Variants in CCDC18 observed in about 807,000 individuals in gnomAD.
CCDC18 encodes the protein coiled-coil domain-containing protein 18.
A neutral mutation model predicts 196.0 loss-of-function variants in CCDC18; 157 were observed. The ratio of observed to expected loss-of-function variants is 0.80; its 90% CI spans 0.70 to 0.91. The LOEUF (loss-of-function observed/expected upper bound fraction) is 0.91. Among genes scored for constraint, CCDC18 ranks in the 40% least tolerant of loss-of-function variants. The pLI, the probability that CCDC18 is intolerant of heterozygous loss-of-function variation, is 0.00. For synonymous variants in CCDC18, 482 were observed against 529.2 expected, an observed-to-expected ratio of 0.91 and a Z score of 1.22; for missense variants, 1,465 against 1,611.6, an observed-to-expected ratio of 0.91 and a Z score of 1.56.
At chr1:93,226,562 C>G (rs888991415) in intron 17 of CCDC18, 113 bp downstream of exon 17, 1 of 330,704 alleles carries the variant, frequency 3.0e-6, no homozygotes, top group Admixed American at 4.9e-5. Flanking sequence ...GAGACAGCGT[C>G]TCCCCATGTT....
intron 14 of CCDC18, among the ~76,000 whole-genome samples, chr1:93,220,059 T>G (rs1221203012): frequency 6.6e-6 from 1 of 151,996 alleles, no homozygotes; most frequent in Non-Finnish European, 1.5e-5. Flanking sequence ...AATTTACAAA[T>G]TTAAAAAAAT....
At chr1:93,253,466 CG>C (rs1385203360) in intron 23 of CCDC18, among the ~76,000 whole-genome samples, 2 of 151,842 alleles carry the variant, frequency 1.3e-5, no homozygotes, top group African/African-American at 4.8e-5. Flanking sequence ...GCAAGAGAGT[CG>C]GGGCTGAGAC....
chr1:93,239,679 A>G lies in CCDC18; in HGVS notation c.2768-4A>G, dbSNP rs1338531008. 1.9e-6 allele frequency: 3 copies of G among 1,584,772 alleles called. No individual in the cohort carries two copies. The highest frequency in any genetic ancestry group is 2.7e-5 in the African/African-American group (2 of 74,004). ...GTTATAAAATTATTCTCTCCTCTTA[A>G]TAGTAAAGGAGTTAGAAAAGTTACA... On this transcript the variant is annotated splice_region_variant and splice_polypyrimidine_tract_variant and intron_variant, in intron 20 of 28. Coordinates refer to ENST00000690025, the MANE Select transcript of CCDC18 (RefSeq NM_001378204.1).
At chr1:93,248,546 G>A (rs3904665) in intron 23 of CCDC18, among the ~76,000 whole-genome samples, 28,320 of 152,100 alleles carry the variant, frequency 0.19, 2,905 homozygotes, top group East Asian at 0.31. Flanking sequence ...TTTTAAAAAT[G>A]TCTTTGAATT....
chr1:93,244,005 T>C (rs1373961700), intron 21 of CCDC18, among the ~76,000 whole-genome samples: 1 of 152,196 alleles, frequency 6.6e-6, no homozygotes, highest in African/African-American at 2.4e-5. Context: ...TGCCCCACTT[T>C]ACTGGTACCA....
At chr1:93,264,321 ATTTTTTGG>A (rs1664206594) in intron 26 of CCDC18, among the ~76,000 whole-genome samples, 1 of 152,178 alleles carries the variant, frequency 6.6e-6, no homozygotes, top group Non-Finnish European at 1.5e-5. Flanking sequence ...GATAAGGGCT[ATTTTTTGG>A]AACAGAACCA....
Position 93,220,701 on chromosome 1 carries a change from G to A in CCDC18, c.1963-908G>A, listed in dbSNP as rs566375092. Reference sequence around the variant, plus strand: ...CACATAGGTAAATGTGTGCCATGGTGGTTTGCTGCACAGATCATCCCATCA... The same window carrying A: ...CACATAGGTAAATGTGTGCCATGGTAGTTTGCTGCACAGATCATCCCATCA... On this transcript the variant is annotated intron_variant, in intron 14 of 28. Coordinates refer to ENST00000690025, the MANE Select transcript of CCDC18 (RefSeq NM_001378204.1). Among the ~76,000 whole-genome samples the A allele has an allele frequency of 2.6e-5, 4 of 152,198 alleles. No individual in the cohort carries two copies. The East Asian group carries it at 7.7e-4, about 29-fold the overall frequency.
At chr1:93,213,830 T>C (rs1656065664) in intron 11 of CCDC18, among the ~76,000 whole-genome samples, 1 of 152,198 alleles carries the variant, frequency 6.6e-6, no homozygotes, top group Non-Finnish European at 1.5e-5. Context: ...TAATATGTTA[T>C]AGATTCTTTT....
At chr1:93,205,316 T>C (rs1654544602) in intron 7 of CCDC18, among the ~76,000 whole-genome samples, 194 bp from the exon 8 acceptor site, 1 of 152,178 alleles carries the variant, frequency 6.6e-6, no homozygotes, top group East Asian at 1.9e-4. Context: ...CAGGTAGTAG[T>C]GTCTTTTTCT....
chr1:93,239,219 C>A, intron 19 of CCDC18, 91 bp from the exon 20 acceptor site: 3 of 935,062 alleles, frequency 3.2e-6, no homozygotes, highest in South Asian at 2.4e-5. Flanking sequence ...GATATTTGTC[C>A]TTATATAACT....
Position 93,193,764 on chromosome 1 carries a change from A to C in CCDC18, c.698+20A>C. ...AAAAAGGTATGTGTTTTTAAAGCAA[A>C]TACATGTTTTTGAAAGGGAATAAAA... On this transcript the variant is annotated intron_variant, in intron 6 of 28. Coordinates refer to ENST00000690025, the MANE Select transcript of CCDC18 (RefSeq NM_001378204.1). The C allele has an allele frequency of 3.3e-6, 5 of 1,525,864 alleles. No individual in the cohort carries two copies. The highest frequency in any genetic ancestry group is 1.4e-5 in the African/African-American group (1 of 69,268). The allele number at this position is 1,525,864 out of a possible 1,614,324, so 94.5% of individuals were successfully genotyped here.
At position 93,194,727 on chromosome 1, in the gene CCDC18, G is replaced by A. The variant is rs185409171; in HGVS notation, c.698+983G>A. On this transcript the variant is annotated intron_variant, in intron 6 of 28. Coordinates refer to ENST00000690025, the MANE Select transcript of CCDC18 (RefSeq NM_001378204.1). ...TCACTTACTCAGATAAGCTTTGCACGTGGTTAGTTAAAATAGTGAGATAAT... is the reference window on the plus strand; with the variant it reads ...TCACTTACTCAGATAAGCTTTGCACATGGTTAGTTAAAATAGTGAGATAAT... Among the ~76,000 whole-genome samples, 107 of 152,294 alleles carry A rather than the reference G, an allele frequency of 7.0e-4. 2 individuals carry two copies. The highest frequency in any genetic ancestry group is 2.3e-3 in the African/African-American group (95 of 41,558).
chr1:93,209,410 T>C (rs1402176047), intron 9 of CCDC18, among the ~76,000 whole-genome samples: 1 of 152,198 alleles, frequency 6.6e-6, no homozygotes, highest in Non-Finnish European at 1.5e-5. Context: ...GGGGAAACTA[T>C]AGGTAAATAT....
chr1:93,274,810 G>GC (rs893306617), intron 28 of CCDC18, among the ~76,000 whole-genome samples: 3 of 152,184 alleles, frequency 2.0e-5, no homozygotes, highest in African/African-American at 7.2e-5. Context: ...ATGCAATGCA[G>GC]CAAGAACCCA....
intron 6 of CCDC18, 142 bp from the exon 7 acceptor site, chr1:93,201,750 C>T: frequency 2.1e-6 from 1 of 469,044 alleles, no homozygotes; most frequent in South Asian, 5.9e-5. Context: ...TCATTTTATA[C>T]TTTAAGCCTA....
chr1:93,276,706 A>AT (rs1665640146), intron 28 of CCDC18, among the ~76,000 whole-genome samples: 1 of 152,082 alleles, frequency 6.6e-6, no homozygotes, highest in African/African-American at 2.4e-5. Flanking sequence ...TTTGGCCCAT[A>AT]TTTTTTTAAA....
intron 4 of CCDC18, among the ~76,000 whole-genome samples, chr1:93,188,593 GA>G (rs1453988659): frequency 2.0e-5 from 3 of 152,122 alleles, no homozygotes. Flanking sequence ...GTGCCACTTT[GA>G]AAAGTCTGTT....
chr1:93,272,735 T>G (rs981439894), intron 28 of CCDC18, among the ~76,000 whole-genome samples: 5 of 152,142 alleles, frequency 3.3e-5, no homozygotes, highest in African/African-American at 1.2e-4. Context: ...AGACAACTCT[T>G]TGGATAAAGA....
intron 28 of CCDC18, among the ~76,000 whole-genome samples, chr1:93,275,041 C>T (rs1665554480): frequency 1.3e-5 from 2 of 152,096 alleles, no homozygotes; most frequent in Non-Finnish European, 2.9e-5. Context: ...TGGTAGTGAC[C>T]ACCTCATAGT....
Sources: allele counts gnomAD v4.1 joint callset (sites outside exome capture counted in the v4.1 genomes callset), GRCh38; gene constraint gnomAD v4.1.1; transcripts MANE v1.5; gene names NCBI Gene and HGNC (gene_info 2026-07-23, HGNC 2026-07-21).